The following BRIP1 variants were observed in gnomAD, a reference collection of about 807,000 sequenced individuals.
BRIP1 encodes Fanconi anemia group J protein.
BRIP1 carries 88 observed loss-of-function variants against 119.7 expected under a neutral mutation model. The ratio of observed to expected loss-of-function variants is 0.74; its 90% CI spans 0.62 to 0.88. The LOEUF is 0.88. BRIP1 is among the 40% of genes least tolerant of loss of function. BRIP1 has a pLI of 0.00. For missense variants in BRIP1, 1,259 were observed against 1,455.4 expected, an observed-to-expected ratio of 0.87 and a Z score of 2.20; for synonymous variants, 443 against 496.5, an observed-to-expected ratio of 0.89 and a Z score of 1.43.
chr17:61,683,989 T>C lies in BRIP1; in HGVS notation c.3057A>G (p.Ala1019=). 1 of 1,614,126 alleles carries C rather than the reference T, an allele frequency of 6.2e-7. No individual in the cohort carries two copies. The change falls in exon 20 of 20, where the codon GCA becomes GCG. Residue 1019 remains alanine (A), a synonymous_variant. Transcript: ENST00000259008. The surrounding 1 kb of genome is among the most constrained non-coding windows in gnomAD (Gnocchi z 4.7). The part of the protein sequence containing the change: ...GQYFTGKIPK[A]TPELGSSENS... ...TCTCTGATGACCCGAGCTCAGGTGT[T>C]GCCTTCGGTATTTTACCAGTAAAAT...
chr17:61,787,761 C>T (rs1049324297), intron 10 of BRIP1, among the ~76,000 whole-genome samples: 42 of 152,150 alleles, frequency 2.8e-4, no homozygotes, highest in African/African-American at 1.0e-3. Context: ...TCTCCTGCCT[C>T]AGCCTCCTGA....
rs876658266 is a variant in BRIP1, at chr17:61,780,958, G to C, written c.1676C>G (p.Thr559Arg). The change falls in exon 12 of 20, where the codon ACA becomes AGA. Residue 559 changes from threonine (T) to arginine (R), a missense_variant. This residue lies in a region of BRIP1 where 753 missense variants were observed against 891.8 expected (regional missense o/e 0.84). Coordinates refer to ENST00000259008, the MANE Select transcript of BRIP1 (RefSeq NM_032043.3). This position sits in a 1 kb window ranked among gnomAD's most constrained non-coding sequence, Gnocchi z 5.4. ...KIAIQQTYSW[T>R]NQIDISDKNG... Reference sequence around the variant, plus strand: ...TTTGTCTGAAATATCAATCTGATTTGTCCAGGAGTAAGTCTGTTGAATCGC... The same window carrying C: ...TTTGTCTGAAATATCAATCTGATTTCTCCAGGAGTAAGTCTGTTGAATCGC... 1.9e-6 allele frequency: 3 copies of C among 1,613,962 alleles called. No homozygotes were observed. The highest frequency in any genetic ancestry group is 2.5e-6 in the Non-Finnish European group (3 of 1,179,992).
chr17:61,743,635 G>A lies in BRIP1; in HGVS notation c.2258-501C>T, dbSNP rs1342320084. 6.6e-6 allele frequency among the ~76,000 whole-genome samples: 1 copy of A among 151,866 alleles called. No individual in the cohort carries two copies. Among genetic ancestry groups the A allele is most frequent in the East Asian group, 1.9e-4 (1 of 5,178 alleles). ...TGATATGTTATATTACCTCTTTCTT[G>A]CATTGTTCATAAACTACTACTATCC... On this transcript the variant is annotated intron_variant, in intron 15 of 19. Coordinates refer to ENST00000259008, the MANE Select transcript of BRIP1 (RefSeq NM_032043.3). This position sits in a 1 kb window ranked among gnomAD's most constrained non-coding sequence, Gnocchi z 4.3.
In BRIP1 at chr17:61,679,804, A is replaced by G. The variant is rs1196193194; in HGVS notation, c.*3492T>C. Among the ~76,000 whole-genome samples, 1 of 152,220 alleles carries G rather than the reference A, an allele frequency of 6.6e-6. No homozygotes were observed. Among genetic ancestry groups the G allele is most frequent in the East Asian group, 1.9e-4 (1 of 5,208 alleles). On this transcript the variant is annotated 3_prime_UTR_variant, in exon 20 of 20. Coordinates refer to ENST00000259008, the MANE Select transcript of BRIP1 (RefSeq NM_032043.3). This position sits in a 1 kb window ranked among gnomAD's most constrained non-coding sequence, Gnocchi z 4.4. ...TAAATCTGTAAACATTTCTTTTAAA[A>G]GTATGTTATCAGTAATGAAAATGGC...
At chr17:61,749,342 G>C (rs2077102218) in intron 14 of BRIP1, among the ~76,000 whole-genome samples, 1 of 151,854 alleles carries the variant, frequency 6.6e-6, no homozygotes, top group South Asian at 2.1e-4. Context: ...TAAAGGATGA[G>C]AAAAAATATC....
chr17:61,694,016 G>C (rs1446040099), intron 17 of BRIP1, among the ~76,000 whole-genome samples: 1 of 151,816 alleles, frequency 6.6e-6, no homozygotes, highest in Non-Finnish European at 1.5e-5. Flanking sequence ...TGCATTCCTA[G>C]TCATGGTGTA....
In BRIP1 at chr17:61,709,478, A is replaced by T. The variant is rs949872222; in HGVS notation, c.2492+6473T>A. On this transcript the variant is annotated intron_variant, in intron 17 of 19. Transcript: ENST00000259008. This position sits in a 1 kb window ranked among gnomAD's most constrained non-coding sequence, Gnocchi z 5.0. ...TAACCTATAGGCTCCAAGGCAACAGACCATAACACTGGGAAGGATAGGAAG... is the reference window on the plus strand; with the variant it reads ...TAACCTATAGGCTCCAAGGCAACAGTCCATAACACTGGGAAGGATAGGAAG... Among the ~76,000 whole-genome samples the T allele has an allele frequency of 5.9e-5, 9 of 152,172 alleles. No individual in the cohort carries two copies. The highest frequency in any genetic ancestry group is 6.6e-5 in the Admixed American group (1 of 15,264).
At chr17:61,763,709 C>T (rs72842985) in intron 14 of BRIP1, among the ~76,000 whole-genome samples, 11,738 of 152,046 alleles carry the variant, frequency 0.077, 585 homozygotes, top group South Asian at 0.24. Flanking sequence ...ATCTTAAAAT[C>T]GAAGGCTAGA....
rs1334825098 is a variant in BRIP1 at position 61,757,684 on chromosome 17, C to CT, written c.2098-13094dup. Among the ~76,000 whole-genome samples, 4 of 152,124 alleles carry CT rather than the reference C, an allele frequency of 2.6e-5. No individual in the cohort carries two copies. Among genetic ancestry groups the CT allele is most frequent in the African/African-American group, 9.7e-5 (4 of 41,432 alleles). Reference sequence around the variant, plus strand: ...TAACATATTTACACATGAAATTCTACTTTCCTGAAATCATGTGAAAAGAAA... The same window carrying CT: ...TAACATATTTACACATGAAATTCTACTTTTCCTGAAATCATGTGAAAAGAAA... On this transcript the variant is annotated intron_variant, in intron 14 of 19. Transcript: ENST00000259008. This position sits in a 1 kb window ranked among gnomAD's most constrained non-coding sequence, Gnocchi z 4.3.
At position 61,689,757 on chromosome 17, in the gene BRIP1, T is replaced by C. The variant is rs1048767033; in HGVS notation, c.2576-3592A>G. ...CGGGCATGAAGGCTCATGCCTATAA[T>C]CCCAACACTTTGGGAGGCAGAGGTA... is the stretch of plus-strand genomic sequence containing the variant. On this transcript the variant is annotated intron_variant, in intron 18 of 19. Transcript: ENST00000259008. This position sits in a 1 kb window ranked among gnomAD's most constrained non-coding sequence, Gnocchi z 4.5. Among the ~76,000 whole-genome samples, 9 of 152,270 alleles carry C rather than the reference T, an allele frequency of 5.9e-5. No homozygotes were observed. The highest frequency in any genetic ancestry group is 1.7e-4 in the African/African-American group (7 of 41,554).
chr17:61,784,318 A>G lies in BRIP1; in HGVS notation c.1580T>C (p.Leu527Pro). ...PVISASTQIM[L>P]KGLFMVLDYL... The stretch of plus-strand genomic sequence containing the variant: ...GTCAAGTACCATAAAAAGTCCTTTA[A>G]GCATTATTTGAGTTGATGCACTAAT... Residue 527 changes from leucine (L) to proline (P), a missense_variant, in exon 11 of 20, where the codon CTT becomes CCT. Physicochemically the swap from Leu to Pro is moderately conservative, Grantham distance 98. Around this residue, in one of 3 missense-constraint regions of BRIP1, gnomAD observed 753 missense variants for 891.8 expected, o/e 0.84. Coordinates refer to ENST00000259008, the MANE Select transcript of BRIP1 (RefSeq NM_032043.3). The G allele has an allele frequency of 6.2e-7, 1 of 1,613,490 alleles. No individual in the cohort carries two copies. The highest frequency in any genetic ancestry group is 2.2e-5 in the East Asian group (1 of 44,816).
rs1555590278 is a variant in BRIP1, at chr17:61,743,004, A to G, written c.2379+9T>C. 2 of 1,613,766 alleles carry G rather than the reference A, an allele frequency of 1.2e-6. No individual in the cohort carries two copies. The highest frequency in any genetic ancestry group is 1.7e-6 in the Non-Finnish European group (2 of 1,179,746). ...TGTAATAATAAAACTTAAGGTTTTG[A>G]TGGCCTACCTGTAGATCTTTCACAT... is the stretch of plus-strand genomic sequence containing the variant. On this transcript the variant is annotated intron_variant, in intron 16 of 19. Coordinates refer to ENST00000259008, the MANE Select transcript of BRIP1 (RefSeq NM_032043.3). The surrounding 1 kb of genome is among the most constrained non-coding windows in gnomAD (Gnocchi z 4.3).
Position 61,751,837 on chromosome 17 carries a change from C to T in BRIP1, c.2098-7246G>A, listed in dbSNP as rs1350881733. Among the ~76,000 whole-genome samples the T allele has an allele frequency of 3.3e-5, 5 of 151,804 alleles. No individual in the cohort carries two copies. Among genetic ancestry groups the T allele is most frequent in the Non-Finnish European group, 5.9e-5 (4 of 67,962 alleles). On this transcript the variant is annotated intron_variant, in intron 14 of 19. Transcript: ENST00000259008. This position sits in a 1 kb window ranked among gnomAD's most constrained non-coding sequence, Gnocchi z 6.7. ...AGGCTGGAGTACAGTGGTGCGATCT[C>T]GGCTCACTGAAATCTCCGCCTCCTG...
rs949246496 is a variant in BRIP1 at position 61,722,292 on chromosome 17, C to A, written c.2380-6229G>T. 3.3e-5 allele frequency among the ~76,000 whole-genome samples: 5 copies of A among 152,072 alleles called. No individual in the cohort carries two copies. Among genetic ancestry groups the A allele is most frequent in the Non-Finnish European group, 4.4e-5 (3 of 68,006 alleles). On this transcript the variant is annotated intron_variant, in intron 16 of 19. Coordinates refer to ENST00000259008, the MANE Select transcript of BRIP1 (RefSeq NM_032043.3). The surrounding 1 kb of genome is among the most constrained non-coding windows in gnomAD (Gnocchi z 4.6). The stretch of plus-strand genomic sequence containing the variant: ...TCCAGACCTGGTGATCCCTCTGCCT[C>A]GGCTTCCCAAAGGGCTGAGATTACA...
At position 61,683,765 on chromosome 17, in the gene BRIP1, C is replaced by T. The variant is rs2144081823; in HGVS notation, c.3281G>A (p.Cys1094Tyr). 6.2e-7 allele frequency: 1 copy of T among 1,614,160 alleles called. No homozygotes were observed. The highest frequency in any genetic ancestry group is 8.5e-7 in the Non-Finnish European group (1 of 1,180,038). Residue 1094 changes from cysteine to tyrosine, a missense_variant, in exon 20 of 20, where the codon TGT (cysteine) becomes TAT (tyrosine). Cys to Tyr is a radical substitution (Grantham distance 194). Transcript: ENST00000259008. The surrounding 1 kb of genome is among the most constrained non-coding windows in gnomAD (Gnocchi z 4.7). The part of the protein sequence containing the change: ...TRKNHSEHPL[C>Y]SEEALDPDIE... ...GTCTGGATCCAGGGCTTCTTCAGAACAGAGCGGATGTTCAGAATGATTTTT... is the reference window on the plus strand; with the variant it reads ...GTCTGGATCCAGGGCTTCTTCAGAATAGAGCGGATGTTCAGAATGATTTTT...
chr17:61,697,907 G>A (rs1398871938), intron 17 of BRIP1, among the ~76,000 whole-genome samples: 1 of 152,080 alleles, frequency 6.6e-6, no homozygotes, highest in African/African-American at 2.4e-5. Context: ...CTGGGCTCAA[G>A]CAGTTCTCCT....
intron 10 of BRIP1, among the ~76,000 whole-genome samples, chr17:61,792,949 G>T (rs565557431): frequency 6.6e-6 from 1 of 152,216 alleles, no homozygotes; most frequent in East Asian, 1.9e-4. Context: ...GTGTGTAGCT[G>T]GGAGTGAGAG....
At position 61,759,283 on chromosome 17, in the gene BRIP1, C is replaced by T. The variant is rs2077243389; in HGVS notation, c.2098-14692G>A. Among the ~76,000 whole-genome samples the T allele has an allele frequency of 6.6e-6, 1 of 151,880 alleles. No homozygotes were observed. The highest frequency in any genetic ancestry group is 2.4e-5 in the African/African-American group (1 of 41,360). On this transcript the variant is annotated intron_variant, in intron 14 of 19. Transcript: ENST00000259008. The surrounding 1 kb of genome is among the most constrained non-coding windows in gnomAD (Gnocchi z 4.9). ...AAGAGAGTGGGGTTATCTATACTTACATAAGACAAAATAGACTAAGTCAAA... is the reference window on the plus strand; with the variant it reads ...AAGAGAGTGGGGTTATCTATACTTATATAAGACAAAATAGACTAAGTCAAA...
rs1433780478 is a variant in BRIP1, at chr17:61,687,159, G to C, written c.2576-994C>G. On this transcript the variant is annotated intron_variant, in intron 18 of 19. Transcript: ENST00000259008. This position sits in a 1 kb window ranked among gnomAD's most constrained non-coding sequence, Gnocchi z 5.1. The stretch of plus-strand genomic sequence containing the variant: ...GGAGGCTGAGGTGGGAAGATTGCTT[G>C]AGGCCAGGAGTTCAAGGTTTCAGTG... Among the ~76,000 whole-genome samples, 1 of 152,130 alleles carries C rather than the reference G, an allele frequency of 6.6e-6. No individual in the cohort carries two copies. The highest frequency in any genetic ancestry group is 1.5e-5 in the Non-Finnish European group (1 of 68,020).
Sources: gnomAD v4.1 joint callset for allele counts (sites outside exome capture counted in the v4.1 genomes callset) on GRCh38, gnomAD v4.1.1 for gene constraint, gnomAD v4.1.1 regional missense constraint, Gnocchi (gnomAD v3.1) non-coding constraint, MANE v1.5 for transcripts, NCBI Gene and HGNC (gene_info 2026-07-23, HGNC 2026-07-21) for gene names.